Variants in TBC1D2B observed in about 807,000 individuals in gnomAD.
TBC1D2B encodes TBC1 domain family member 2B.
In TBC1D2B, 64 loss-of-function variants were observed where a neutral mutation model predicts 100.8. The ratio of observed to expected loss-of-function variants is 0.64; its 90% CI spans 0.52 to 0.78. The LOEUF (loss-of-function observed/expected upper bound fraction) is 0.78. Among genes scored for constraint, TBC1D2B ranks in the 30% least tolerant of loss-of-function variants. The probability of loss-of-function intolerance (pLI) is 0.00; values close to 1 mark genes in which losing one functional copy is unlikely to be tolerated. For missense variants in TBC1D2B, 1,052 were observed against 1,218.4 expected, an observed-to-expected ratio of 0.86 and a Z score of 2.03; for synonymous variants, 480 against 479.7, an observed-to-expected ratio of 1.00 and a Z score of -0.01.
chr15:78,025,243 C>T lies in TBC1D2B; in HGVS notation c.1086+16G>A. ...TGCTGAGGTGGGGTAAGACAGAAGC[C>T]AGAAGAAGAAGTTACCTTCTGACTG... On this transcript the variant is annotated intron_variant, in intron 5 of 12. Transcript: ENST00000300584. 1.9e-6 allele frequency: 3 copies of T among 1,608,918 alleles called. No individual in the cohort carries two copies. The highest frequency in any genetic ancestry group is 2.6e-6 in the Non-Finnish European group (3 of 1,176,220).
rs906111888 is a variant in TBC1D2B, at chr15:78,025,440, C to T, written c.905G>A (p.Arg302His). 9 of 1,613,792 alleles carry T rather than the reference C, an allele frequency of 5.6e-6. No individual in the cohort carries two copies. The South Asian group carries it at 6.6e-5, about 12-fold the overall frequency. Reference sequence around the variant, plus strand: ...CGACCCAATTATGTCTTTCAAAGGGCGCTTTCCTTTGTAGGGGTTACGTCC... The same window carrying T: ...CGACCCAATTATGTCTTTCAAAGGGTGCTTTCCTTTGTAGGGGTTACGTCC... ...DFGRNPYKGK[R>H]PLKDIIGSYK... The change falls in exon 5 of 13, where the codon CGC (arginine) becomes CAC (histidine). Residue 302 changes from arginine to histidine, a missense_variant. By Grantham distance (29) the Arg-to-His change is conservative. Transcript: ENST00000300584.
intron 12 of TBC1D2B, among the ~76,000 whole-genome samples, chr15:77,999,662 T>C (rs1026197226): frequency 5.9e-5 from 9 of 152,130 alleles, no homozygotes; most frequent in African/African-American, 1.2e-4. Context: ...AGCTGTCAGC[T>C]CACAGCCCCC....
chr15:78,044,844 T>C (rs751820861), intron 3 of TBC1D2B, 56 bp downstream of exon 3: 303 of 1,423,090 alleles, frequency 2.1e-4, no homozygotes, highest in Non-Finnish European at 2.8e-4. Context: ...AATTATAACA[T>C]ACATTATCAG....
intron 2 of TBC1D2B, among the ~76,000 whole-genome samples, chr15:78,053,613 A>G (rs1177852540): frequency 1.3e-5 from 2 of 152,242 alleles, no homozygotes; most frequent in Non-Finnish European, 2.9e-5. Flanking sequence ...CCTAAGAAAC[A>G]CTAGAGAATT....
At chr15:78,054,583 T>G (rs2073381961) in intron 1 of TBC1D2B, among the ~76,000 whole-genome samples, 2 of 152,224 alleles carry the variant, frequency 1.3e-5, no homozygotes, top group Non-Finnish European at 2.9e-5. Context: ...CAAATAATGA[T>G]ATTTAAACTC....
At chr15:78,015,295 T>C (rs1336749213) in intron 8 of TBC1D2B, among the ~76,000 whole-genome samples, 1 of 152,142 alleles carries the variant, frequency 6.6e-6, no homozygotes, top group African/African-American at 2.4e-5. Context: ...GAAACTATAT[T>C]GGCAAAACAT....
In TBC1D2B at chr15:78,037,429, CT is replaced by C. The variant is rs1263119620; in HGVS notation, c.684-7260del. 5.3e-5 allele frequency among the ~76,000 whole-genome samples: 8 copies of C among 152,360 alleles called. No homozygotes were observed. In the East Asian group the frequency reaches 1.2e-3, roughly 22 times the overall value. On this transcript the variant is annotated intron_variant, in intron 3 of 12. Coordinates refer to ENST00000300584, the MANE Select transcript of TBC1D2B (RefSeq NM_144572.2). ...CAACCCACACTGCAAAGAATAAGCA[CT>C]TCTTCCTGGTGTGCCCAGGTAGGCC...
In TBC1D2B at chr15:78,025,326, A is replaced by G. The variant is rs749265980; in HGVS notation, c.1019T>C (p.Met340Thr). 2 of 1,613,742 alleles carry G rather than the reference A, an allele frequency of 1.2e-6. No individual in the cohort carries two copies. The highest frequency in any genetic ancestry group is 2.7e-5 in the African/African-American group (2 of 74,884). The change falls in exon 5 of 13, where the codon ATG becomes ACG. Residue 340 changes from methionine (M) to threonine (T), a missense_variant. Coordinates refer to ENST00000300584, the MANE Select transcript of TBC1D2B (RefSeq NM_144572.2). ...SVSIRKPASE[M>T]QLQVQSQQEE... ...CTGCTGGCTCTGGACCTGCAGTTGC[A>G]TTTCGGAGGCCGGCTTCCTGATGCT... is the stretch of plus-strand genomic sequence containing the variant.
intron 1 of TBC1D2B, among the ~76,000 whole-genome samples, chr15:78,071,759 C>G (rs535598103): frequency 6.6e-6 from 1 of 152,272 alleles, no homozygotes; most frequent in African/African-American, 2.4e-5. Context: ...ACTGGGTGAC[C>G]ATTTTCTATT....
chr15:78,030,638 G>A (rs1462046553), intron 3 of TBC1D2B, among the ~76,000 whole-genome samples: 1 of 152,092 alleles, frequency 6.6e-6, no homozygotes, highest in Non-Finnish European at 1.5e-5. Flanking sequence ...CACTGCTGGT[G>A]GGATTATAAA....
chr15:78,065,156 C>T (rs1197685129), intron 1 of TBC1D2B, among the ~76,000 whole-genome samples: 4 of 152,182 alleles, frequency 2.6e-5, no homozygotes, highest in Admixed American at 6.5e-5. Context: ...CTCTAACACT[C>T]AAGCACCCCT....
In TBC1D2B at chr15:78,025,330, C is replaced by T. The variant is rs768642288; in HGVS notation, c.1015G>A (p.Glu339Lys). 24 of 1,613,772 alleles carry T rather than the reference C, an allele frequency of 1.5e-5. No homozygotes were observed. Among genetic ancestry groups the T allele is most frequent in the South Asian group, 9.9e-5 (9 of 91,072 alleles). ...TGGCTCTGGACCTGCAGTTGCATTT[C>T]GGAGGCCGGCTTCCTGATGCTGACG... is the stretch of plus-strand genomic sequence containing the variant. Reference protein sequence around the residue: ...GSVSIRKPASEMQLQVQSQQE... With the variant: ...GSVSIRKPASKMQLQVQSQQE... Residue 339 changes from glutamate (E) to lysine (K), a missense_variant, in exon 5 of 13, where the codon GAA becomes AAA. This residue lies in a region of TBC1D2B where 627 missense variants were observed against 646.1 expected (regional missense o/e 0.97). Coordinates refer to ENST00000300584, the MANE Select transcript of TBC1D2B (RefSeq NM_144572.2).
intron 3 of TBC1D2B, among the ~76,000 whole-genome samples, chr15:78,040,726 AAAGG>A (rs573741418): frequency 7.2e-5 from 10 of 139,330 alleles, no homozygotes; most frequent in East Asian, 2.2e-4. Context: ...AGGAGAGAGA[AAAGG>A]AAGGAAGGAA....
Position 77,998,321 on chromosome 15 carries a change from G to C in TBC1D2B, c.2731C>G (p.Pro911Ala), listed in dbSNP as rs779346753. 3 of 1,599,150 alleles carry C rather than the reference G, an allele frequency of 1.9e-6. No individual in the cohort carries two copies. The highest frequency in any genetic ancestry group is 2.6e-6 in the Non-Finnish European group (3 of 1,173,354). The change falls in exon 13 of 13, where the codon CCT becomes GCT. Residue 911 changes from proline (P) to alanine (A), a missense_variant. This residue lies in a region of TBC1D2B where 47 missense variants were observed against 88.3 expected (regional missense o/e 0.53). Coordinates refer to ENST00000300584, the MANE Select transcript of TBC1D2B (RefSeq NM_144572.2). ...LISISFGDLNPFPLRQIRNRR... is the reference protein window; with the variant it reads ...LISISFGDLNAFPLRQIRNRR... Reference sequence around the variant, plus strand: ...TTCCGGATCTGGCGTAGGGGGAAAGGGTTCAGGTCCCCAAAGGAGATACTG... The same window carrying C: ...TTCCGGATCTGGCGTAGGGGGAAAGCGTTCAGGTCCCCAAAGGAGATACTG...
Position 78,077,513 on chromosome 15 carries a change from T to C in TBC1D2B, c.140A>G (p.Lys47Arg). 6.5e-7 allele frequency: 1 copy of C among 1,529,102 alleles called. No homozygotes were observed. The highest frequency in any genetic ancestry group is 2.6e-5 in the East Asian group (1 of 37,946). The allele number at this position is 1,529,102 out of a possible 1,614,324, so 94.7% of individuals were successfully genotyped here. A position where few individuals can be genotyped will look rare whatever the true frequency, so the allele number is the denominator to read the frequency against. The change falls in exon 1 of 13, where the codon AAG (lysine) becomes AGG (arginine). Residue 47 changes from lysine (K) to arginine (R), a missense_variant. Coordinates refer to ENST00000300584, the MANE Select transcript of TBC1D2B (RefSeq NM_144572.2). ...GCTGCGGTAGCCACGCAGGGGGCCC[T>C]TGCCCGACAGCTTCTGCAGATAGCC... ...LCGYLQKLSG[K>R]GPLRGYRSRW... is the part of the protein sequence containing the mutation.
intron 1 of TBC1D2B, 130 bp downstream of exon 1, chr15:78,077,163 G>A (rs1454702838): frequency 4.0e-6 from 5 of 1,252,580 alleles, no homozygotes; most frequent in East Asian, 3.1e-5. Context: ...TGGAGAAGCA[G>A]GGAAAGGCAG....
rs2072412696 is a variant in TBC1D2B, at chr15:78,017,703, A to G, written c.1581+144T>C. 4 of 553,118 alleles carry G rather than the reference A, an allele frequency of 7.2e-6. No individual in the cohort carries two copies. The South Asian group carries it at 1.1e-4, about 15-fold the overall frequency. 34.3% of individuals were successfully genotyped at this position (553,118 alleles called of 1,614,324 possible). On this transcript the variant is annotated intron_variant, in intron 7 of 12. Transcript: ENST00000300584. ...GACTAACTATACAGCTCTATGTATT[A>G]TATGTATTTTAAATATATTTTGTTA...
chr15:78,029,844 A>G (rs2072763626), intron 4 of TBC1D2B, among the ~76,000 whole-genome samples, 163 bp downstream of exon 4: 1 of 152,230 alleles, frequency 6.6e-6, no homozygotes, highest in Admixed American at 6.5e-5. Flanking sequence ...ACGTTTATTA[A>G]ATAATTTTTT....
chr15:78,068,383 C>CCCCACACA (rs1555422891), intron 1 of TBC1D2B, among the ~76,000 whole-genome samples: 1 of 143,012 alleles, frequency 7.0e-6, no homozygotes, highest in African/African-American at 2.6e-5. Flanking sequence ...CACACCACAC[C>CCCCACACA]CACACACACA....
Sources: allele counts gnomAD v4.1 joint callset (sites outside exome capture counted in the v4.1 genomes callset), GRCh38; gene constraint gnomAD v4.1.1; regional missense constraint gnomAD v4.1.1; transcripts MANE v1.5; gene names NCBI Gene and HGNC (gene_info 2026-07-23, HGNC 2026-07-21).